Variants in SLC44A4 observed in about 807,000 individuals in gnomAD.
The protein encoded by SLC44A4 is solute carrier family 44 member 4.
In SLC44A4, 74 loss-of-function variants were observed where a neutral mutation model predicts 97.0. The ratio of observed to expected loss-of-function variants is 0.76; its 90% CI spans 0.63 to 0.93. The LOEUF (loss-of-function observed/expected upper bound fraction) is 0.93, where lower values mean the gene tolerates loss of function less well. SLC44A4 is among the 40% of genes least tolerant of loss of function. The probability of loss-of-function intolerance (pLI) is 0.00; values close to 1 mark genes in which losing one functional copy is unlikely to be tolerated. For missense variants in SLC44A4, 799 were observed against 902.9 expected (o/e 0.88, Z 1.48); for synonymous variants, 325 against 363.8 (o/e 0.89, Z 1.21).
Position 31,869,238 on chromosome 6 carries a change from G to A in SLC44A4, c.1150C>T (p.Gln384Ter). The change falls in exon 13 of 21, where the codon CAA (glutamine) becomes TAA (stop). Residue 384 changes from glutamine to a stop codon, truncating the protein, a stop_gained. Coordinates refer to ENST00000229729, the MANE Select transcript of SLC44A4 (RefSeq NM_025257.3). LOFTEE classifies it high-confidence loss of function. ...MTALYLATSG[Q>*]PQYVLWASNI... ...GATGCCCAGAGCACATACTGGGGTT[G>A]CCCCGATGTAGCCAGGTACCCAGAG... 6.2e-7 allele frequency: 1 copy of A among 1,608,474 alleles called. No homozygotes were observed. Among genetic ancestry groups the A allele is most frequent in the Non-Finnish European group, 8.5e-7 (1 of 1,177,870 alleles).
intron 4 of SLC44A4, 49 bp downstream of exon 4, chr6:31,875,803 A>C: frequency 6.5e-7 from 1 of 1,531,618 alleles, no homozygotes; most frequent in Non-Finnish European, 8.9e-7. Flanking sequence ...TCTCCTGCCC[A>C]CCCTACCTCG....
At chr6:31,871,289 A>G (rs940473594) in intron 9 of SLC44A4, 25 bp downstream of exon 9, 2 of 1,602,688 alleles carry the variant, frequency 1.2e-6, no homozygotes, top group South Asian at 1.1e-5. Context: ...CAAGGACACA[A>G]GAGGAGGGGA....
intron 13 of SLC44A4, among the ~76,000 whole-genome samples, chr6:31,867,299 T>C (rs2151557103): frequency 6.6e-6 from 1 of 151,884 alleles, no homozygotes; most frequent in Non-Finnish European, 1.5e-5. Context: ...GTCACCATAT[T>C]GGCCAGGTTG....
In SLC44A4 at chr6:31,877,087, G is replaced by A. The variant is rs759015463; in HGVS notation, c.41-5C>T. 1.9e-6 allele frequency: 3 copies of A among 1,609,434 alleles called. No homozygotes were observed. In the Admixed American group the frequency reaches 5.0e-5, roughly 27 times the overall value. On this transcript the variant is annotated splice_polypyrimidine_tract_variant and splice_region_variant and intron_variant, in intron 1 of 20. Transcript: ENST00000229729. This position sits in a 1 kb window ranked among gnomAD's most constrained non-coding sequence, Gnocchi z 6.5. ...GGTCGTATTTGACTGGCTTCCCTGA[G>A]GGACATGAGAAGAGGTGTGGAGGAT...
rs747330138 is a variant in SLC44A4 at position 31,866,050 on chromosome 6, C to T, written c.1310G>A (p.Arg437His). 8.7e-6 allele frequency: 14 copies of T among 1,614,176 alleles called. No individual in the cohort carries two copies. The highest frequency in any genetic ancestry group is 1.6e-4 in the Middle Eastern group (1 of 6,062). Residue 437 changes from arginine to histidine, a missense_variant, in exon 14 of 21, where the codon CGT becomes CAT. Around this residue, in one of 3 missense-constraint regions of SLC44A4, gnomAD observed 379 missense variants for 438.3 expected, o/e 0.86. Transcript: ENST00000229729. ...ATAGATTTGCAGATTGAAGACAGAA[C>T]GTTGGATTAGGCCTTTGGATGAGTA... Reference protein sequence around the residue: ...QGYSSKGLIQRSVFNLQIYGV... With the variant: ...QGYSSKGLIQHSVFNLQIYGV...
Position 31,865,581 on chromosome 6 carries a change from G to C in SLC44A4, c.1603C>G (p.Arg535Gly). 1.9e-6 allele frequency: 3 copies of C among 1,601,058 alleles called. No homozygotes were observed. The highest frequency in any genetic ancestry group is 2.2e-5 in the East Asian group (1 of 44,616). Residue 535 changes from arginine to glycine, a missense_variant, in exon 16 of 21, where the codon CGC becomes GGC. By Grantham distance (125) the Arg-to-Gly change is moderately radical. Coordinates refer to ENST00000229729, the MANE Select transcript of SLC44A4 (RefSeq NM_025257.3). The surrounding 1 kb of genome is among the most constrained non-coding windows in gnomAD (Gnocchi z 5.2). Reference protein sequence around the residue: ...KLRGVQNPVARCIMCCFKCCL... With the variant: ...KLRGVQNPVAGCIMCCFKCCL... ...CACTTGAAACAGCACATGATGCAGCGGGCTACAGGGTTCTGCACTCCTGGG... is the reference window on the plus strand; with the variant it reads ...CACTTGAAACAGCACATGATGCAGCCGGCTACAGGGTTCTGCACTCCTGGG...
rs1763423544 is a variant in SLC44A4 at position 31,876,046 on chromosome 6, G to A, written c.163+10C>T. On this transcript the variant is annotated intron_variant, in intron 3 of 20. Coordinates refer to ENST00000229729, the MANE Select transcript of SLC44A4 (RefSeq NM_025257.3). The surrounding 1 kb of genome is among the most constrained non-coding windows in gnomAD (Gnocchi z 4.8). ...CCCACTGCCCTGGCTCTGAGCAGCT[G>A]GAAACTCACCCACAATCCCCACCAC... The A allele has an allele frequency of 6.2e-7, 1 of 1,614,000 alleles. No individual in the cohort carries two copies. The highest frequency in any genetic ancestry group is 1.1e-5 in the South Asian group (1 of 91,080).
rs368317455 is a variant in SLC44A4, at chr6:31,863,935, A to G, written c.2012-187T>C. Among the ~76,000 whole-genome samples, 182 of 152,276 alleles carry G rather than the reference A, an allele frequency of 1.2e-3. 3 individuals are homozygous for G. The Middle Eastern group carries it at 0.017, about 14-fold the overall frequency. Reference sequence around the variant, plus strand: ...TATTATGTTGCATAGAGCGATGATAAGAATTAGCGGAAAAAATGCATGTCA... The same window carrying G: ...TATTATGTTGCATAGAGCGATGATAGGAATTAGCGGAAAAAATGCATGTCA... On this transcript the variant is annotated intron_variant, in intron 20 of 20. Transcript: ENST00000229729.
At chr6:31,866,522 T>C (rs926104865) in intron 13 of SLC44A4, among the ~76,000 whole-genome samples, 2 of 152,202 alleles carry the variant, frequency 1.3e-5, no homozygotes, top group Non-Finnish European at 1.5e-5. Flanking sequence ...ACAGTTCTTA[T>C]CTGTTGAGAT....
chr6:31,863,725 C>T lies in SLC44A4; in HGVS notation c.2035G>A (p.Gly679Ser). 2 of 1,612,704 alleles carry T rather than the reference C, an allele frequency of 1.2e-6. No individual in the cohort carries two copies. The highest frequency in any genetic ancestry group is 1.7e-6 in the Non-Finnish European group (2 of 1,179,950). Residue 679 changes from glycine (G) to serine (S), a missense_variant, in exon 21 of 21, where the codon GGC (glycine) becomes AGC (serine). Coordinates refer to ENST00000229729, the MANE Select transcript of SLC44A4 (RefSeq NM_025257.3). ...ATGTAGTAGGGCCGGTCCAGGGAGCCGTTGTTCCGCTCCAGGTCTTCCACT... is the reference window on the plus strand; with the variant it reads ...ATGTAGTAGGGCCGGTCCAGGGAGCTGTTGTTCCGCTCCAGGTCTTCCACT... ...CFLEDLERNN[G>S]SLDRPYYMSK...
chr6:31,871,851 G>T (rs1228532407), intron 7 of SLC44A4, among the ~76,000 whole-genome samples: 1 of 152,086 alleles, frequency 6.6e-6, no homozygotes, highest in Non-Finnish European at 1.5e-5. Flanking sequence ...GAGTGCCAGG[G>T]AGACCGTGGC....
At chr6:31,867,732 A>G (rs1430347952) in intron 13 of SLC44A4, among the ~76,000 whole-genome samples, 1 of 152,072 alleles carries the variant, frequency 6.6e-6, no homozygotes, top group Admixed American at 6.6e-5. Flanking sequence ...TAAAAAAGAA[A>G]AAAAAAAGAA....
Position 31,871,051 on chromosome 6 carries a change from T to A in SLC44A4, c.702-4A>T, listed in dbSNP as rs747200998. On this transcript the variant is annotated splice_region_variant and splice_polypyrimidine_tract_variant and intron_variant, in intron 9 of 20. Coordinates refer to ENST00000229729, the MANE Select transcript of SLC44A4 (RefSeq NM_025257.3). ...GACCAGAGCCACCCCCAGGGCACTG[T>A]AGGCAGGGTGAGGACAGTGAGGTTC... The A allele has an allele frequency of 6.2e-7, 1 of 1,600,714 alleles. No homozygotes were observed. The highest frequency in any genetic ancestry group is 1.3e-5 in the African/African-American group (1 of 74,878).
Position 31,876,889 on chromosome 6 carries a change from C to T in SLC44A4, c.89+145G>A. The T allele has an allele frequency of 1.3e-6, 1 of 797,680 alleles. No individual in the cohort carries two copies. Among genetic ancestry groups the T allele is most frequent in the Non-Finnish European group, 2.0e-6 (1 of 510,718 alleles). The allele number at this position is 797,680 out of a possible 1,614,324, so 49.4% of individuals were successfully genotyped here. On this transcript the variant is annotated intron_variant, in intron 2 of 20. Coordinates refer to ENST00000229729, the MANE Select transcript of SLC44A4 (RefSeq NM_025257.3). The surrounding 1 kb of genome is among the most constrained non-coding windows in gnomAD (Gnocchi z 4.8). ...CGATGCCTGCTCCAGACACAACAAT[C>T]CCCCCAGGGCACCACCCATCTGGGG... is the stretch of plus-strand genomic sequence containing the variant.
chr6:31,866,843 G>A (rs1266795354), intron 13 of SLC44A4, among the ~76,000 whole-genome samples: 4 of 150,878 alleles, frequency 2.7e-5, no homozygotes, highest in Admixed American at 1.3e-4. Flanking sequence ...GCAGTGGGCC[G>A]AGATCGCGCC....
Position 31,877,090 on chromosome 6 carries a change from A to G in SLC44A4, c.41-8T>C. On this transcript the variant is annotated splice_polypyrimidine_tract_variant and splice_region_variant and intron_variant, in intron 1 of 20. Transcript: ENST00000229729. This position sits in a 1 kb window ranked among gnomAD's most constrained non-coding sequence, Gnocchi z 6.5. ...CGTATTTGACTGGCTTCCCTGAGGG[A>G]CATGAGAAGAGGTGTGGAGGATGAG... The G allele has an allele frequency of 9.9e-6, 16 of 1,609,102 alleles. No individual in the cohort carries two copies. Among genetic ancestry groups the G allele is most frequent in the Non-Finnish European group, 1.4e-5 (16 of 1,178,730 alleles).
Position 31,865,612 on chromosome 6 carries a change from G to A in SLC44A4, c.1583-11C>T. 1 of 1,607,008 alleles carries A rather than the reference G, an allele frequency of 6.2e-7. No homozygotes were observed. Among genetic ancestry groups the A allele is most frequent in the Non-Finnish European group, 8.5e-7 (1 of 1,174,774 alleles). ...CAGGGTTCTGCACTCCTGGGAGCGA[G>A]GAAGGCTCATGTTTGGTCACTGCCC... On this transcript the variant is annotated splice_polypyrimidine_tract_variant and intron_variant, in intron 15 of 20. Coordinates refer to ENST00000229729, the MANE Select transcript of SLC44A4 (RefSeq NM_025257.3). This position sits in a 1 kb window ranked among gnomAD's most constrained non-coding sequence, Gnocchi z 5.2.
intron 20 of SLC44A4, 119 bp downstream of exon 20, chr6:31,864,533 G>A (rs560944001): frequency 2.1e-6 from 2 of 931,832 alleles, no homozygotes; most frequent in African/African-American, 3.4e-5. Context: ...GCTCCCTCTG[G>A]TTCGTTTAGC....
In SLC44A4 at chr6:31,877,562, C is replaced by T; in HGVS notation, c.41-480G>A. On this transcript the variant is annotated intron_variant, in intron 1 of 20. Transcript: ENST00000229729. The surrounding 1 kb of genome is among the most constrained non-coding windows in gnomAD (Gnocchi z 6.5). ...CCTATCTGCCCCAGGCCCTACCTTA[C>T]CCTCTGGTTCAAGGCTATGGGGAAA... 1 of 990,778 alleles carries T rather than the reference C, an allele frequency of 1.0e-6. No individual in the cohort carries two copies. Among genetic ancestry groups the T allele is most frequent in the South Asian group, 4.6e-5 (1 of 21,662 alleles). 61.4% of individuals were successfully genotyped at this position (990,778 alleles called of 1,614,324 possible).
Sources: allele counts gnomAD v4.1 joint callset (sites outside exome capture counted in the v4.1 genomes callset), GRCh38; gene constraint gnomAD v4.1.1; regional missense constraint gnomAD v4.1.1; non-coding constraint Gnocchi (gnomAD v3.1); transcripts MANE v1.5; gene names NCBI Gene and HGNC (gene_info 2026-07-23, HGNC 2026-07-21).